The following TGM4 variants were observed in gnomAD, a reference collection of about 807,000 sequenced individuals.
TGM4 encodes the protein protein-glutamine gamma-glutamyltransferase 4.
In TGM4, 61 loss-of-function variants were observed where a neutral mutation model predicts 76.3. The observed-to-expected ratio is 0.80, with a 90% CI of 0.65 to 0.99. The LOEUF is 0.99. Ranked by LOEUF, TGM4 falls within the 50% of genes least tolerant of loss-of-function variation. The pLI is 0.00. For missense variants in TGM4, 794 were observed against 843.2 expected (o/e 0.94, Z 0.72); for synonymous variants, 337 against 329.8 (o/e 1.02, Z -0.24).
In TGM4 at chr3:44,910,237, T is replaced by C; in HGVS notation, c.1475T>C (p.Val492Ala). The C allele has an allele frequency of 6.2e-7, 1 of 1,614,226 alleles. No homozygotes were observed. Among genetic ancestry groups the C allele is most frequent in the South Asian group, 1.1e-5 (1 of 91,084 alleles). Residue 492 changes from valine to alanine, a missense_variant, in exon 11 of 14, where the codon GTG (valine) becomes GCG (alanine). By Grantham distance (64) the Val-to-Ala change is moderately conservative. Coordinates refer to ENST00000296125, the MANE Select transcript of TGM4 (RefSeq NM_003241.4). ...VLLGNSVNFTVILKRKTAALQ... is the reference protein window; with the variant it reads ...VLLGNSVNFTAILKRKTAALQ... Reference sequence around the variant, plus strand: ...CTGGGAAACTCTGTTAATTTCACCGTGATTCTTAAAAGGAAGACCGCTGCC... The same window carrying C: ...CTGGGAAACTCTGTTAATTTCACCGCGATTCTTAAAAGGAAGACCGCTGCC...
intron 13 of TGM4, among the ~76,000 whole-genome samples, chr3:44,913,336 A>G (rs1700031475): frequency 6.6e-6 from 1 of 152,264 alleles, no homozygotes; most frequent in Non-Finnish European, 1.5e-5. Flanking sequence ...TCCAGGGAAG[A>G]TTTGTGAAAT....
At position 44,875,583 on chromosome 3, in the gene TGM4, G is replaced by A. The variant is rs561006282; in HGVS notation, c.19+886G>A. Among the ~76,000 whole-genome samples the A allele has an allele frequency of 1.3e-4, 20 of 152,046 alleles. No individual in the cohort carries two copies. In the East Asian group the frequency reaches 3.1e-3, roughly 24 times the overall value. ...CTCAGTTTTACTTCAGGGAGTCCGG[G>A]TGCTGCTAGGGAACAACGAGGCTGG... On this transcript the variant is annotated intron_variant, in intron 1 of 13. Coordinates refer to ENST00000296125, the MANE Select transcript of TGM4 (RefSeq NM_003241.4).
chr3:44,903,709 A>C, intron 8 of TGM4, 175 bp from the exon 9 acceptor site: 2 of 631,580 alleles, frequency 3.2e-6, no homozygotes, highest in South Asian at 3.6e-5. Flanking sequence ...TCTGAGAGGC[A>C]GGTGGGACTC....
chr3:44,906,816 A>T, intron 9 of TGM4, 133 bp from the exon 10 acceptor site: 1 of 1,124,086 alleles, frequency 8.9e-7, no homozygotes, highest in Non-Finnish European at 1.3e-6. Context: ...CTAGGAAATG[A>T]GTACCCAGAT....
At chr3:44,879,619 C>T (rs1330531588) in intron 1 of TGM4, among the ~76,000 whole-genome samples, 3 of 151,612 alleles carry the variant, frequency 2.0e-5, no homozygotes, top group Non-Finnish European at 4.4e-5. Flanking sequence ...ACTACAGGCG[C>T]CTGCCACCAC....
rs578089791 is a variant in TGM4, at chr3:44,892,591, G to A, written c.431-986G>A. On this transcript the variant is annotated intron_variant, in intron 4 of 13. Transcript: ENST00000296125. ...TCGCCATGTTGGTCAGGCTGGTCTC[G>A]AACTCCTGACCTCAGGTGATCTACC... Among the ~76,000 whole-genome samples, 50 of 152,066 alleles carry A rather than the reference G, an allele frequency of 3.3e-4. 2 individuals are homozygous for A. The South Asian group carries it at 9.3e-3, about 28-fold the overall frequency.
At chr3:44,904,351 G>A (rs958953618) in intron 9 of TGM4, among the ~76,000 whole-genome samples, 1 of 152,232 alleles carries the variant, frequency 6.6e-6, no homozygotes, top group African/African-American at 2.4e-5. Context: ...GCTCAGGGAG[G>A]TGAAGTGAGT....
At chr3:44,912,997 T>C (rs1700025223) in intron 13 of TGM4, among the ~76,000 whole-genome samples, 1 of 152,262 alleles carries the variant, frequency 6.6e-6, no homozygotes, top group African/African-American at 2.4e-5. Context: ...TTACAGGATG[T>C]CTGAATCTTC....
intron 1 of TGM4, 123 bp from the exon 2 acceptor site, chr3:44,885,202 G>C (rs1406708831): frequency 1.0e-6 from 1 of 983,464 alleles, no homozygotes; most frequent in African/African-American, 1.6e-5. Flanking sequence ...GGTGGAGCAG[G>C]GATGCCCGAC....
In TGM4 at chr3:44,903,878, C is replaced by T. The variant is rs200355345; in HGVS notation, c.972-6C>T. The stretch of plus-strand genomic sequence containing the variant: ...CGGGGTGGGGCCCGTTCCCAATTTG[C>T]GGCAGGAATTTCCATGTGTGGACGG... On this transcript the variant is annotated splice_polypyrimidine_tract_variant and splice_region_variant and intron_variant, in intron 8 of 13. Coordinates refer to ENST00000296125, the MANE Select transcript of TGM4 (RefSeq NM_003241.4). The T allele has an allele frequency of 2.7e-5, 44 of 1,613,734 alleles. No individual in the cohort carries two copies. The highest frequency in any genetic ancestry group is 2.9e-5 in the Non-Finnish European group (34 of 1,179,798).
In TGM4 at chr3:44,896,809, G is replaced by A. The variant is rs745422285; in HGVS notation, c.650G>A (p.Cys217Tyr). The change falls in exon 6 of 14, where the codon TGT (cysteine) becomes TAT (tyrosine). Residue 217 changes from cysteine to tyrosine, a missense_variant. By Grantham distance (194) the Cys-to-Tyr change is radical. Coordinates refer to ENST00000296125, the MANE Select transcript of TGM4 (RefSeq NM_003241.4). ...CCCGTGCTGGTGTGCAGGGCCATGT[G>A]TGCTATGGTAGGTATGGAAAGCCTG... is the stretch of plus-strand genomic sequence containing the variant. ...RDPVLVCRAM[C>Y]AMMSFEKGQG... The A allele has an allele frequency of 9.3e-6, 15 of 1,613,914 alleles. No individual in the cohort carries two copies. In the African/African-American group the frequency reaches 1.5e-4, roughly 16 times the overall value.
At chr3:44,905,739 A>G (rs1382471066) in intron 9 of TGM4, among the ~76,000 whole-genome samples, 1 of 152,272 alleles carries the variant, frequency 6.6e-6, no homozygotes, top group East Asian at 1.9e-4. Context: ...CAGCCTCCAC[A>G]TTTCTCCAAA....
intron 1 of TGM4, among the ~76,000 whole-genome samples, chr3:44,884,071 C>T (rs116211840): frequency 0.019 from 2,966 of 152,334 alleles, 51 homozygotes; most frequent in Middle Eastern, 0.065. Flanking sequence ...GGCAAATTCT[C>T]AGCCACACCC....
Position 44,913,789 on chromosome 3 carries a change from C to T in TGM4, c.*64C>T. 1 of 1,563,388 alleles carries T rather than the reference C, an allele frequency of 6.4e-7. No individual in the cohort carries two copies. The highest frequency in any genetic ancestry group is 8.6e-7 in the Non-Finnish European group (1 of 1,157,752). On this transcript the variant is annotated 3_prime_UTR_variant, in exon 14 of 14. Transcript: ENST00000296125. ...CATTTCCTACCTTGTGCTTAGCTTT[C>T]AGATTATGGATGATTAAATTTGATG...
intron 1 of TGM4, among the ~76,000 whole-genome samples, chr3:44,879,263 CTCTATATATATA>C (rs1420305083): frequency 3.1e-5 from 3 of 96,272 alleles, no homozygotes; most frequent in Non-Finnish European, 6.4e-5. Context: ...CTCTCTCTCT[CTCTATATATATA>C]TATATATATA....
intron 3 of TGM4, 126 bp downstream of exon 3, chr3:44,887,921 G>A: frequency 1.3e-6 from 1 of 777,978 alleles, no homozygotes; most frequent in Non-Finnish European, 2.2e-6. Context: ...CCACAGCACA[G>A]CATGATAGAG....
intron 1 of TGM4, among the ~76,000 whole-genome samples, chr3:44,880,382 G>A (rs1699515935): frequency 6.6e-6 from 1 of 152,144 alleles, no homozygotes; most frequent in Non-Finnish European, 1.5e-5. Flanking sequence ...CTCAGTATGG[G>A]GGAATCCCAG....
In TGM4 at chr3:44,901,538, A is replaced by G. The variant is rs1234968097; in HGVS notation, c.672A>G (p.Lys224=). The G allele has an allele frequency of 1.2e-6, 2 of 1,605,892 alleles. No individual in the cohort carries two copies. The highest frequency in any genetic ancestry group is 8.5e-7 in the Non-Finnish European group (1 of 1,173,640). The change falls in exon 7 of 14, where the codon AAA becomes AAG. Residue 224 remains lysine (K), a synonymous_variant. Coordinates refer to ENST00000296125, the MANE Select transcript of TGM4 (RefSeq NM_003241.4). ...RAMCAMMSFE[K]GQGVLIGNWT... is the part of the protein sequence containing the mutation. ...GTGTGTGGCAGATGAGCTTTGAGAA[A>G]GGCCAGGGCGTGCTCATTGGGAATT...
At chr3:44,890,471 C>T in intron 3 of TGM4, 132 bp from the exon 4 acceptor site, 2 of 1,332,992 alleles carry the variant, frequency 1.5e-6, no homozygotes, top group African/African-American at 1.5e-5. Context: ...AGGGTCCTGA[C>T]CATTCCTTGT....
Sources: allele counts gnomAD v4.1 joint callset (sites outside exome capture counted in the v4.1 genomes callset), GRCh38; gene constraint gnomAD v4.1.1; transcripts MANE v1.5; gene names NCBI Gene and HGNC (gene_info 2026-07-23, HGNC 2026-07-21).